Variants in DIAPH2 observed in about 807,000 individuals in gnomAD.
DIAPH2 encodes protein diaphanous homolog 2.
In DIAPH2, 35 loss-of-function variants were observed where a neutral mutation model predicts 92.7. That is an observed-to-expected ratio of 0.38 (90% CI 0.29 to 0.50). The LOEUF (loss-of-function observed/expected upper bound fraction) is 0.50, where lower values mean the gene tolerates loss of function less well. DIAPH2 is among the 20% of genes least tolerant of loss of function. The pLI, the probability that DIAPH2 is intolerant of heterozygous loss-of-function variation, is 0.94. For synonymous variants in DIAPH2, 301 were observed against 280.4 expected, an observed-to-expected ratio of 1.07 and a Z score of -0.73; for missense variants, 701 against 819.5, an observed-to-expected ratio of 0.86 and a Z score of 1.77.
At chrX:96,687,060 G>A (rs1054906283) in intron 1 of DIAPH2, among the ~76,000 whole-genome samples, 5 of 111,198 alleles carry the variant, frequency 4.5e-5, no homozygotes, top group African/African-American at 1.6e-4. Context: ...AGTGTATATG[G>A]GTACATTTAT....
chrX:96,744,957 G>C (rs2064141123), intron 3 of DIAPH2, among the ~76,000 whole-genome samples: 1 of 108,005 alleles, frequency 9.3e-6, no homozygotes, highest in African/African-American at 3.4e-5. Context: ...AGACCATTTG[G>C]TTTCAATACT....
intron 4 of DIAPH2, among the ~76,000 whole-genome samples, chrX:96,765,193 G>GTTTTTTTTTTTTTTTTTTTTTTTTTT (rs142407154): frequency 1.2e-5 from 1 of 83,278 alleles, no homozygotes; most frequent in Admixed American, 1.4e-4. Flanking sequence ...ATATTCACAT[G>GTTTTTTTTTTTTTTTTTTTTTTTTTT]TTTTTTTTTT....
chrX:97,460,594 A>C (rs1466193389), intron 26 of DIAPH2, among the ~76,000 whole-genome samples: 1 of 112,091 alleles, frequency 8.9e-6, no homozygotes, highest in Non-Finnish European at 1.9e-5. Context: ...AATCAAGCTA[A>C]TCCTTTAGAA....
In DIAPH2 at chrX:97,464,297, TAAAAAAAAAAAA is replaced by T. The variant is rs753355896; in HGVS notation, c.3241+34571_3241+34582del. 2.4e-4 allele frequency among the ~76,000 whole-genome samples: 8 copies of T among 32,947 alleles called. No homozygotes were observed. In the South Asian group the frequency reaches 0.018, roughly 75 times the overall value. The allele number at this position is 32,947 out of a possible 115,157, so 28.6% of individuals were successfully genotyped here. On this transcript the variant is annotated intron_variant, in intron 26 of 26. Transcript: ENST00000324765. ...TAACACGGTGAAACCCCATCTCTAC[TAAAAAAAAAAAA>T]AAAAAAAAAAAAAAAAAATTAGCCG... is the stretch of plus-strand genomic sequence containing the variant.
At chrX:96,970,248 C>T (rs2065919631) in intron 17 of DIAPH2, among the ~76,000 whole-genome samples, 1 of 111,292 alleles carries the variant, frequency 9.0e-6, no homozygotes, top group Non-Finnish European at 1.9e-5. Flanking sequence ...ATGGAGGAGT[C>T]CCTACTCTTC....
intron 23 of DIAPH2, among the ~76,000 whole-genome samples, chrX:97,274,009 GT>G (rs1569347528): frequency 0.017 from 156 of 9,208 alleles, no homozygotes; most frequent in East Asian, 0.16. Flanking sequence ...AACTAGCGGT[GT>G]GTGTGTGTGT....
At chrX:97,173,131 G>C (rs1157449505) in intron 22 of DIAPH2, among the ~76,000 whole-genome samples, 1 of 112,353 alleles carries the variant, frequency 8.9e-6, no homozygotes, top group Non-Finnish European at 1.9e-5. Flanking sequence ...CTAGTCACAG[G>C]GGCTTATGCC....
chrX:96,873,651 C>T (rs1038942270), intron 4 of DIAPH2, among the ~76,000 whole-genome samples: 1,351 of 59,875 alleles, frequency 0.023, 15 homozygotes, highest in African/African-American at 0.026. Flanking sequence ...TATATATACA[C>T]ACACACACAC....
intron 4 of DIAPH2, among the ~76,000 whole-genome samples, chrX:96,816,332 T>C (rs2147669328): frequency 8.9e-6 from 1 of 112,234 alleles, no homozygotes; most frequent in South Asian, 3.7e-4. Flanking sequence ...TAAATTCTTT[T>C]GGATCAATAC....
At chrX:97,158,194 A>G (rs2067338963) in intron 22 of DIAPH2, among the ~76,000 whole-genome samples, 1 of 112,406 alleles carries the variant, frequency 8.9e-6, no homozygotes, top group African/African-American at 3.2e-5. Context: ...TTGGACGATG[A>G]TATTTAAGAT....
intron 19 of DIAPH2, among the ~76,000 whole-genome samples, chrX:97,095,102 T>C (rs937836887): frequency 8.3e-5 from 2 of 24,084 alleles, no homozygotes; most frequent in African/African-American, 2.5e-4. Context: ...CTTTTTCTTT[T>C]TTTTTTTTTT....
chrX:97,274,133 C>T lies in DIAPH2; in HGVS notation c.2844+26294C>T, dbSNP rs1027555078. On this transcript the variant is annotated intron_variant, in intron 23 of 26. Transcript: ENST00000324765. ...ATGAATTAAAAAGATACTAAACATA[C>T]ATCTTTGAGTTTATCAGTTCATCAG... 7.1e-5 allele frequency among the ~76,000 whole-genome samples: 6 copies of T among 83,949 alleles called. 1 individual carries two copies. Among genetic ancestry groups the T allele is most frequent in the African/African-American group, 2.4e-4 (6 of 24,561 alleles). 72.9% of individuals were successfully genotyped at this position (83,949 alleles called of 115,157 possible). A position where few individuals can be genotyped will look rare whatever the true frequency, so the allele number is the denominator to read the frequency against.
chrX:96,885,474 A>AAAAAT (rs2065255375), intron 5 of DIAPH2: 1 of 112,395 alleles, frequency 8.9e-6, no homozygotes, highest in African/African-American at 4.2e-5. Context: ...AAAAAAAAAA[A>AAAAAT]GTCTTGCTTG....
At chrX:97,354,625 C>T (rs745476113) in intron 24 of DIAPH2, among the ~76,000 whole-genome samples, 6 of 112,142 alleles carry the variant, frequency 5.4e-5, no homozygotes, top group South Asian at 3.7e-4. Flanking sequence ...CCACCTGCCT[C>T]GGCCTCCCAA....
chrX:97,488,097 G>A (rs1236291319), intron 26 of DIAPH2, among the ~76,000 whole-genome samples: 2 of 111,928 alleles, frequency 1.8e-5, no homozygotes, highest in African/African-American at 6.5e-5. Context: ...GGGTTCAAGC[G>A]ATTCTTCTGC....
In DIAPH2 at chrX:97,602,165, CTT is replaced by C. The variant is rs1172011536; in HGVS notation, c.*2849_*2850del. 1 of 112,381 alleles carries C rather than the reference CTT, an allele frequency of 8.9e-6. No homozygotes were observed. Among genetic ancestry groups the C allele is most frequent in the Non-Finnish European group, 1.9e-5 (1 of 53,273 alleles). The allele number at this position is 112,381 out of a possible 1,213,427, so 9.3% of individuals were successfully genotyped here. A position where few individuals can be genotyped will look rare whatever the true frequency, so the allele number is the denominator to read the frequency against. ...TGGCTATGTCTTTTAGGAAGCCACTCTTAGCCCACCAGAGTCTGCCCTTTGGC... is the reference window on the plus strand; with the variant it reads ...TGGCTATGTCTTTTAGGAAGCCACTCAGCCCACCAGAGTCTGCCCTTTGGC... On this transcript the variant is annotated 3_prime_UTR_variant, in exon 27 of 27. Transcript: ENST00000324765.
intron 26 of DIAPH2, among the ~76,000 whole-genome samples, chrX:97,508,207 C>A (rs1380548201): frequency 9.0e-6 from 1 of 110,917 alleles, no homozygotes; most frequent in African/African-American, 3.3e-5. Flanking sequence ...TATTTATTTC[C>A]ACTGGTCTTT....
intron 3 of DIAPH2, among the ~76,000 whole-genome samples, chrX:96,742,238 C>G (rs959636019): frequency 1.8e-5 from 2 of 111,572 alleles, no homozygotes; most frequent in African/African-American, 6.5e-5. Flanking sequence ...ATTAGCTTTT[C>G]CTTCAAAGTA....
intron 17 of DIAPH2, among the ~76,000 whole-genome samples, chrX:97,058,843 C>T (rs773890012): frequency 3.8e-4 from 42 of 111,364 alleles, no homozygotes; most frequent in Non-Finnish European, 6.8e-4. Context: ...AAAGTTGTAC[C>T]GTGAATGTTC....
Sources: allele counts gnomAD v4.1 joint callset (sites outside exome capture counted in the v4.1 genomes callset), GRCh38; gene constraint gnomAD v4.1.1; transcripts MANE v1.5; gene names NCBI Gene and HGNC (gene_info 2026-07-23, HGNC 2026-07-21).